Variants in RBBP6 observed in about 807,000 individuals in gnomAD.
RBBP6 encodes RB binding protein 6, ubiquitin ligase.
A neutral mutation model predicts 167.7 loss-of-function variants in RBBP6; 25 were observed. That is an observed-to-expected ratio of 0.15 (90% CI 0.11 to 0.21). The LOEUF (loss-of-function observed/expected upper bound fraction) is 0.21. Ranked by LOEUF, RBBP6 falls within the 10% of genes least tolerant of loss-of-function variation. The pLI is 1.00. For synonymous variants in RBBP6, 789 were observed against 735.8 expected, an observed-to-expected ratio of 1.07 and a Z score of -1.17; for missense variants, 1,868 against 2,134.2, an observed-to-expected ratio of 0.88 and a Z score of 2.46.
At chr16:24,544,062 CAGTT>C (rs914216508) in intron 1 of RBBP6, among the ~76,000 whole-genome samples, 4 of 152,098 alleles carry the variant, frequency 2.6e-5, no homozygotes, top group African/African-American at 7.2e-5. Context: ...TTTAAAAAGT[CAGTT>C]AGAACATCTG....
rs1466855997 is a variant in RBBP6, at chr16:24,562,031, T to A, written c.1159T>A (p.Leu387Ile). 6.2e-7 allele frequency: 1 copy of A among 1,613,116 alleles called. No homozygotes were observed. The highest frequency in any genetic ancestry group is 8.5e-7 in the Non-Finnish European group (1 of 1,179,066). The change falls in exon 10 of 18, where the codon TTA (leucine) becomes ATA (isoleucine). Residue 387 changes from leucine to isoleucine, a missense_variant. Around this residue, in one of 7 missense-constraint regions of RBBP6, gnomAD observed 245 missense variants for 240.1 expected, o/e 1.02. Coordinates refer to ENST00000319715, the MANE Select transcript of RBBP6 (RefSeq NM_006910.5). ...TCACCCAGCTCCGTCTATATCTTCA[T>A]TAACTTCTAATCAGTCTTCCTTGGC... Reference protein sequence around the residue: ...STHPAPSISSLTSNQSSLAPP... With the variant: ...STHPAPSISSITSNQSSLAPP...
Position 24,570,510 on chromosome 16 carries a change from G to T in RBBP6, c.3809+11G>T. Reference sequence around the variant, plus strand: ...GGTGGATTACACCAGGTAGCTGAGTGTAGGGGGTGGGTGTGGAACTTTGTT... The same window carrying T: ...GGTGGATTACACCAGGTAGCTGAGTTTAGGGGGTGGGTGTGGAACTTTGTT... On this transcript the variant is annotated intron_variant, in intron 17 of 17. Coordinates refer to ENST00000319715, the MANE Select transcript of RBBP6 (RefSeq NM_006910.5). 1 of 1,551,896 alleles carries T rather than the reference G, an allele frequency of 6.4e-7. No homozygotes were observed. Among genetic ancestry groups the T allele is most frequent in the Non-Finnish European group, 8.6e-7 (1 of 1,159,518 alleles).
At chr16:24,562,685 T>TAAA (rs373263162) in intron 10 of RBBP6, among the ~76,000 whole-genome samples, 3 of 135,910 alleles carry the variant, frequency 2.2e-5, no homozygotes, top group African/African-American at 5.4e-5. Flanking sequence ...ATAAATTCTT[T>TAAA]AAAAAAAAAA....
chr16:24,557,643 T>C (rs1299967489), intron 7 of RBBP6, among the ~76,000 whole-genome samples: 2 of 152,164 alleles, frequency 1.3e-5, no homozygotes, highest in Non-Finnish European at 2.9e-5. Context: ...ACCCTGATTC[T>C]ACATTTTTAA....
chr16:24,542,456 CT>C (rs1555471340), intron 1 of RBBP6, among the ~76,000 whole-genome samples: 14,496 of 108,772 alleles, frequency 0.13, 788 homozygotes, highest in South Asian at 0.22. Context: ...TTGAATGCAG[CT>C]TTTTTTTTTT....
In RBBP6 at chr16:24,569,767, C is replaced by G; in HGVS notation, c.3077C>G (p.Ser1026Cys). Residue 1026 changes from serine (S) to cysteine (C), a missense_variant, in exon 17 of 18, where the codon TCT (serine) becomes TGT (cysteine). Transcript: ENST00000319715. ...AAAACCAAACGGAAGAATGATGGATCTGCTGTGTCCAAAAAAGAAAATATT... is the reference window on the plus strand; with the variant it reads ...AAAACCAAACGGAAGAATGATGGATGTGCTGTGTCCAAAAAAGAAAATATT... ...GDKTKRKNDGSAVSKKENIVK... is the reference protein window; with the variant it reads ...GDKTKRKNDGCAVSKKENIVK... The G allele has an allele frequency of 6.2e-7, 1 of 1,613,916 alleles. No individual in the cohort carries two copies. The highest frequency in any genetic ancestry group is 8.5e-7 in the Non-Finnish European group (1 of 1,179,972).
chr16:24,563,450 C>G lies in RBBP6; in HGVS notation c.1414C>G (p.Pro472Ala). The G allele has an allele frequency of 6.2e-7, 1 of 1,611,816 alleles. No individual in the cohort carries two copies. Among genetic ancestry groups the G allele is most frequent in the Non-Finnish European group, 8.5e-7 (1 of 1,179,488 alleles). The change falls in exon 12 of 18, where the codon CCA becomes GCA. Residue 472 changes from proline (P) to alanine (A), a missense_variant. Transcript: ENST00000319715. ...KGYQVPVLGT[P>A]SLLGQSLLHG... ...TTACCAGGTGCCTGTTCTTGGAACC[C>G]CATCTTTGCTTGGACAGTCATTATT... is the stretch of plus-strand genomic sequence containing the variant.
chr16:24,549,824 T>C (rs896642541), intron 3 of RBBP6, among the ~76,000 whole-genome samples: 1 of 152,062 alleles, frequency 6.6e-6, no homozygotes, highest in African/African-American at 2.4e-5. Context: ...TTTTAGGCCA[T>C]TGAAAGCTGT....
chr16:24,544,027 G>A (rs527933425), intron 1 of RBBP6, among the ~76,000 whole-genome samples: 2 of 152,270 alleles, frequency 1.3e-5, no homozygotes, highest in Non-Finnish European at 2.9e-5. Flanking sequence ...ACTTTGAGGG[G>A]TAAGAAATCA....
At chr16:24,549,903 A>G (rs1898754989) in intron 3 of RBBP6, among the ~76,000 whole-genome samples, 1 of 152,012 alleles carries the variant, frequency 6.6e-6, no homozygotes, top group Non-Finnish European at 1.5e-5. Flanking sequence ...AATTTTTGTA[A>G]TCACAGATTA....
At position 24,571,905 on chromosome 16, in the gene RBBP6, G is replaced by A; in HGVS notation, c.4839G>A (p.Lys1613=). Reference sequence around the variant, plus strand: ...GGCAAATTGACAAGAGTACTGTCAAGCCTAAACCCCAGTTAAGTCATTCCT... The same window carrying A: ...GGCAAATTGACAAGAGTACTGTCAAACCTAAACCCCAGTTAAGTCATTCCT... The part of the protein sequence containing the change: ...ITGQIDKSTV[K]PKPQLSHSSR... The change falls in exon 18 of 18, where the codon AAG becomes AAA. Residue 1613 remains lysine, a synonymous_variant. Transcript: ENST00000319715. 1.2e-6 allele frequency: 2 copies of A among 1,614,078 alleles called. No homozygotes were observed. The highest frequency in any genetic ancestry group is 1.7e-6 in the Non-Finnish European group (2 of 1,179,988).
chr16:24,557,681 G>C (rs980649947), intron 7 of RBBP6, among the ~76,000 whole-genome samples: 1 of 150,178 alleles, frequency 6.7e-6, no homozygotes, highest in Non-Finnish European at 1.5e-5. Flanking sequence ...TGTGAAGTTA[G>C]GGGATCCTCA....
chr16:24,558,835 A>G (rs1018489978), intron 7 of RBBP6, among the ~76,000 whole-genome samples: 9 of 152,256 alleles, frequency 5.9e-5, no homozygotes, highest in African/African-American at 2.2e-4. Context: ...TGATCATTTA[A>G]GTCACTAATG....
At chr16:24,564,888 A>G in intron 14 of RBBP6, 23 bp downstream of exon 14, 1 of 1,600,640 alleles carries the variant, frequency 6.2e-7, no homozygotes, top group Non-Finnish European at 8.5e-7. Flanking sequence ...AAAATCTTGG[A>G]AAATAATCAT....
rs1464191855 is a variant in RBBP6 at position 24,571,145 on chromosome 16, T to G, written c.4079T>G (p.Val1360Gly). 6.2e-7 allele frequency: 1 copy of G among 1,613,486 alleles called. No homozygotes were observed. Among genetic ancestry groups the G allele is most frequent in the East Asian group, 2.2e-5 (1 of 44,856 alleles). The change falls in exon 18 of 18, where the codon GTC becomes GGC. Residue 1360 changes from valine (V) to glycine (G), a missense_variant. Transcript: ENST00000319715. Reference sequence around the variant, plus strand: ...GTTAGTACAAAGCCATCAAATATAGTCAAGTATCCTGAGAAAGAAAGTGAG... The same window carrying G: ...GTTAGTACAAAGCCATCAAATATAGGCAAGTATCCTGAGAAAGAAAGTGAG... ...KNVSTKPSNI[V>G]KYPEKESEPS...
In RBBP6 at chr16:24,570,245, A is replaced by G; in HGVS notation, c.3555A>G (p.Glu1185=). ...IVKPSPKRKM[E]PDTEKMDRTP... ...AACCATCACCAAAGCGCAAAATGGA[A>G]CCTGATACTGAAAAAATGGATAGGA... Residue 1185 remains glutamate, a synonymous_variant, in exon 17 of 18, where the codon GAA becomes GAG. Transcript: ENST00000319715. The G allele has an allele frequency of 1.4e-5, 23 of 1,613,034 alleles. No individual in the cohort carries two copies. The highest frequency in any genetic ancestry group is 1.9e-5 in the Non-Finnish European group (22 of 1,179,814).
At chr16:24,540,924 C>T (rs749229980) in intron 1 of RBBP6, 132 bp downstream of exon 1, 2 of 1,101,006 alleles carry the variant, frequency 1.8e-6, no homozygotes, top group Non-Finnish European at 2.5e-6. Context: ...ATACAACTTT[C>T]ATTGATAGCC....
At position 24,569,550 on chromosome 16, in the gene RBBP6, T is replaced by C; in HGVS notation, c.2860T>C (p.Leu954=). The C allele has an allele frequency of 6.2e-7, 1 of 1,612,154 alleles. No individual in the cohort carries two copies. The highest frequency in any genetic ancestry group is 8.5e-7 in the Non-Finnish European group (1 of 1,179,534). The change falls in exon 17 of 18, where the codon TTA becomes CTA. Residue 954 remains leucine, a synonymous_variant. Coordinates refer to ENST00000319715, the MANE Select transcript of RBBP6 (RefSeq NM_006910.5). ...ESEGFLNPEL[L]ETSRKSREPT... is the part of the protein sequence containing the mutation. ...TGAGGGTTTTCTGAACCCAGAGTTA[T>C]TAGAGACTTCTAGGAAATCAAGAGA...
chr16:24,549,201 T>A, intron 3 of RBBP6: 1 of 1,418,548 alleles, frequency 7.0e-7, no homozygotes, highest in Non-Finnish European at 9.2e-7. Context: ...TAACACTGTT[T>A]CATATTAAAT....
Sources: gnomAD v4.1 joint callset for allele counts (sites outside exome capture counted in the v4.1 genomes callset) on GRCh38, gnomAD v4.1.1 for gene constraint, gnomAD v4.1.1 regional missense constraint, MANE v1.5 for transcripts, NCBI Gene and HGNC (gene_info 2026-07-23, HGNC 2026-07-21) for gene names.